The following WASF1 variants were observed in gnomAD, a reference collection of about 807,000 sequenced individuals.
WASF1 encodes the protein actin-binding protein WASF1.
In WASF1, 7 loss-of-function variants were observed where a neutral mutation model predicts 50.5. The ratio of observed to expected loss-of-function variants is 0.14; its 90% CI spans 0.08 to 0.26. WASF1 has a LOEUF of 0.26. WASF1 is among the 10% of genes least tolerant of loss of function. The pLI is 1.00. For missense variants in WASF1, 470 were observed against 694.7 expected, an observed-to-expected ratio of 0.68 and a Z score of 3.64; for synonymous variants, 205 against 244.0, an observed-to-expected ratio of 0.84 and a Z score of 1.49.
At chr6:110,155,212 C>G (rs1207085362) in intron 3 of WASF1, among the ~76,000 whole-genome samples, 1 of 152,020 alleles carries the variant, frequency 6.6e-6, no homozygotes, top group Non-Finnish European at 1.5e-5. Context: ...TTCAGTAACT[C>G]TTAAGCATTA....
intron 3 of WASF1, among the ~76,000 whole-genome samples, chr6:110,134,848 T>G (rs1774872937): frequency 6.6e-6 from 1 of 152,200 alleles, no homozygotes; most frequent in African/African-American, 2.4e-5. Flanking sequence ...GCTTTAGCTA[T>G]GCAGGCCCTT....
intron 2 of WASF1, among the ~76,000 whole-genome samples, chr6:110,162,809 T>C (rs1267582025): frequency 1.3e-5 from 2 of 151,676 alleles, no homozygotes; most frequent in African/African-American, 4.8e-5. Context: ...ACATCATACT[T>C]AATGGCAAGA....
chr6:110,143,942 T>A (rs569080775), intron 3 of WASF1, among the ~76,000 whole-genome samples: 1 of 152,212 alleles, frequency 6.6e-6, no homozygotes, highest in African/African-American at 2.4e-5. Context: ...TGTGTCTTTA[T>A]AGCAGCATGA....
At chr6:110,131,052 T>C (rs772373965) in intron 3 of WASF1, among the ~76,000 whole-genome samples, 1 of 152,224 alleles carries the variant, frequency 6.6e-6, no homozygotes, top group Non-Finnish European at 1.5e-5. Context: ...GGCTGATTTG[T>C]AGAAACACTA....
intron 5 of WASF1, among the ~76,000 whole-genome samples, chr6:110,110,769 C>T (rs538038697): frequency 1.1e-4 from 16 of 151,106 alleles, no homozygotes; most frequent in African/African-American, 2.7e-4. Context: ...TACTACAAAA[C>T]GGTTAAAAAA....
intron 3 of WASF1, among the ~76,000 whole-genome samples, chr6:110,150,590 C>G (rs901873279): frequency 6.6e-6 from 1 of 151,990 alleles, no homozygotes; most frequent in Non-Finnish European, 1.5e-5. Context: ...ATGTCCATCA[C>G]AAGTAAAACA....
chr6:110,112,894 C>CAAAAAAAAAAAA (rs1229766023), intron 5 of WASF1, among the ~76,000 whole-genome samples: 1 of 75,884 alleles, frequency 1.3e-5, no homozygotes, highest in Non-Finnish European at 2.9e-5. Context: ...GTGTCTGTCT[C>CAAAAAAAAAAAA]AAAAAAAAAA....
At chr6:110,175,506 C>G (rs1315591593) in intron 2 of WASF1, among the ~76,000 whole-genome samples, 1 of 152,062 alleles carries the variant, frequency 6.6e-6, no homozygotes, top group Non-Finnish European at 1.5e-5. Flanking sequence ...TAAGCGGTAA[C>G]TTTAGGGAAA....
chr6:110,147,294 C>T lies in WASF1; in HGVS notation c.-29+13341G>A, dbSNP rs533392305. Among the ~76,000 whole-genome samples the T allele has an allele frequency of 3.7e-3, 555 of 149,128 alleles. 2 individuals carry two copies. The highest frequency in any genetic ancestry group is 0.012 in the African/African-American group (468 of 40,474). ...CCGGGAGGCGGAGCTTGCAGTGAGC[C>T]GAGATCATGCCACTGCACTCCAGCC... On this transcript the variant is annotated intron_variant, in intron 3 of 10. Coordinates refer to ENST00000392589, the MANE Select transcript of WASF1 (RefSeq NM_003931.3).
At chr6:110,141,022 T>A (rs538313063) in intron 3 of WASF1, among the ~76,000 whole-genome samples, 2 of 152,190 alleles carry the variant, frequency 1.3e-5, no homozygotes, top group Non-Finnish European at 2.9e-5. Flanking sequence ...CACATGCAAT[T>A]TAAAACTTAT....
intron 3 of WASF1, among the ~76,000 whole-genome samples, chr6:110,131,521 A>C (rs1375139165): frequency 2.0e-5 from 3 of 152,190 alleles, no homozygotes; most frequent in Admixed American, 2.0e-4. Context: ...TGAATTAATC[A>C]GGCTTTATAG....
At chr6:110,113,556 T>G in intron 4 of WASF1, 96 bp from the exon 5 acceptor site, 1 of 1,125,382 alleles carries the variant, frequency 8.9e-7, no homozygotes, top group Non-Finnish European at 1.2e-6. Context: ...ATATTTGCCC[T>G]CAGATACTTT....
intron 2 of WASF1, among the ~76,000 whole-genome samples, chr6:110,176,257 A>AT (rs1776923622): frequency 6.6e-6 from 1 of 152,136 alleles, no homozygotes; most frequent in Admixed American, 6.5e-5. Context: ...TAATTTACAT[A>AT]TATCTTTTTT....
intron 3 of WASF1, among the ~76,000 whole-genome samples, chr6:110,148,602 G>T (rs936425509): frequency 6.6e-6 from 1 of 151,974 alleles, no homozygotes; most frequent in Non-Finnish European, 1.5e-5. Flanking sequence ...GTTAGTAGGG[G>T]GTCAGATTAG....
chr6:110,153,955 C>T (rs1775939658), intron 3 of WASF1, among the ~76,000 whole-genome samples: 1 of 152,050 alleles, frequency 6.6e-6, no homozygotes, highest in African/African-American at 2.4e-5. Context: ...GTGACAATAA[C>T]ATACCTAAGT....
intron 3 of WASF1, among the ~76,000 whole-genome samples, chr6:110,132,575 G>T (rs1470274348): frequency 6.6e-6 from 1 of 151,832 alleles, no homozygotes; most frequent in Non-Finnish European, 1.5e-5. Flanking sequence ...GGAACACGTG[G>T]TATTTGGGTG....
intron 8 of WASF1, among the ~76,000 whole-genome samples, chr6:110,104,557 G>A (rs1246047945): frequency 1.3e-5 from 2 of 152,196 alleles, no homozygotes; most frequent in African/African-American, 4.8e-5. Context: ...GGGAGGCTGA[G>A]ACAGGCAGAT....
chr6:110,107,250 T>G (rs78868707), intron 6 of WASF1, 56 bp from the exon 7 acceptor site: 56,828 of 1,142,742 alleles, frequency 0.05, 2,010 homozygotes, highest in African/African-American at 0.15. Flanking sequence ...GCAATCAGAA[T>G]AGAAATAATT....
At chr6:110,119,352 G>C (rs1369362945) in intron 4 of WASF1, among the ~76,000 whole-genome samples, 1 of 152,128 alleles carries the variant, frequency 6.6e-6, no homozygotes, top group East Asian at 1.9e-4. Context: ...AAATGATAAA[G>C]GGGATATCAC....
Sources: allele counts gnomAD v4.1 joint callset (sites outside exome capture counted in the v4.1 genomes callset), GRCh38; gene constraint gnomAD v4.1.1; transcripts MANE v1.5; gene names NCBI Gene and HGNC (gene_info 2026-07-23, HGNC 2026-07-21).